ALG13: variants seen among roughly 807,000 people sequenced by gnomAD.
ALG13 encodes the protein ALG13 UDP-N-acetylglucosaminyltransferase subunit.
A neutral mutation model predicts 87.8 loss-of-function variants in ALG13; 11 were observed. That is an observed-to-expected ratio of 0.13 (90% CI 0.08 to 0.21). ALG13 has a LOEUF of 0.21. Ranked by LOEUF, ALG13 falls within the 10% of genes least tolerant of loss-of-function variation. ALG13 has a pLI of 1.00. For synonymous variants in ALG13, 320 were observed against 306.3 expected, an observed-to-expected ratio of 1.04 and a Z score of -0.47; for missense variants, 756 against 866.1, an observed-to-expected ratio of 0.87 and a Z score of 1.60.
At chrX:111,745,037 T>A in intron 24 of ALG13, 133 bp downstream of exon 24, 1 of 544,496 alleles carries the variant, frequency 1.8e-6, no homozygotes, top group East Asian at 3.6e-5. Context: ...ATACTGGAAG[T>A]GACTAAGGAA....
intron 11 of ALG13, among the ~76,000 whole-genome samples, chrX:111,721,009 A>G (rs1228454313): frequency 9.4e-6 from 1 of 106,612 alleles, no homozygotes; most frequent in Non-Finnish European, 1.9e-5. Flanking sequence ...AATATATGGC[A>G]AAATTTATTG....
chrX:111,693,696 T>A, intron 3 of ALG13, among the ~76,000 whole-genome samples: 1 of 112,304 alleles, frequency 8.9e-6, no homozygotes, highest in East Asian at 2.8e-4. Flanking sequence ...CTTATTTTGA[T>A]TGACACTTGT....
At chrX:111,716,070 A>C (rs1185753013) in intron 8 of ALG13, among the ~76,000 whole-genome samples, 2 of 112,082 alleles carry the variant, frequency 1.8e-5, no homozygotes, top group Non-Finnish European at 3.8e-5. Flanking sequence ...GTTCTCATGC[A>C]CTTCAAAGTA....
intron 19 of ALG13, among the ~76,000 whole-genome samples, chrX:111,728,951 T>C (rs1191908320): frequency 3.6e-5 from 4 of 111,868 alleles, no homozygotes; most frequent in African/African-American, 1.3e-4. Context: ...TATTGAGATA[T>C]AATTTACATA....
intron 8 of ALG13, among the ~76,000 whole-genome samples, chrX:111,715,275 A>G (rs1940408622): frequency 8.9e-6 from 1 of 112,022 alleles, no homozygotes; most frequent in Non-Finnish European, 1.9e-5. Context: ...AGGATAGTGC[A>G]TATATATGTC....
chrX:111,693,557 T>C (rs1324580939), intron 3 of ALG13, among the ~76,000 whole-genome samples: 1 of 111,861 alleles, frequency 8.9e-6, no homozygotes, highest in African/African-American at 3.2e-5. Context: ...GAATACATGC[T>C]TCTTAATGTT....
chrX:111,696,690 A>G (rs1937009829), intron 3 of ALG13, among the ~76,000 whole-genome samples: 1 of 111,973 alleles, frequency 8.9e-6, no homozygotes, highest in African/African-American at 3.2e-5. Context: ...CAAATTACGT[A>G]TTCTAGCTAA....
rs369867857 is a variant in ALG13, at chrX:111,685,008, C to T, written c.288C>T (p.Leu96=). ...AGACTCTGGAAAAAGGAAAGCCACT[C>T]GTAGTGGTTATAAACGAAAAGTTGA... The part of the protein sequence containing the change: ...CLETLEKGKP[L]VVVINEKLMN... Residue 96 remains leucine (L), a synonymous_variant, in exon 3 of 27, where the codon CTC becomes CTT. Transcript: ENST00000394780. 6.9e-5 allele frequency: 83 copies of T among 1,208,082 alleles called. No homozygotes were observed. The highest frequency in any genetic ancestry group is 8.9e-5 in the Non-Finnish European group (80 of 893,951).
chrX:111,723,728 A>G (rs1941672296), intron 13 of ALG13, 70 bp from the exon 14 acceptor site: 1 of 639,239 alleles, frequency 1.6e-6, no homozygotes, highest in South Asian at 2.8e-5. Flanking sequence ...CATTTGGGGA[A>G]AAGTGGTATT....
In ALG13 at chrX:111,718,099, A is replaced by T. The variant is rs748977068; in HGVS notation, c.1088-13A>T. On this transcript the variant is annotated splice_polypyrimidine_tract_variant and intron_variant, in intron 9 of 26. Coordinates refer to ENST00000394780, the MANE Select transcript of ALG13 (RefSeq NM_001099922.3). ...TATTTTGACAATTGGAATTTTGACC[A>T]TTTTTTCTTCAGCTGTATTGTACGA... 1.7e-6 allele frequency: 2 copies of T among 1,153,728 alleles called. No homozygotes were observed. Among genetic ancestry groups the T allele is most frequent in the Non-Finnish European group, 1.2e-6 (1 of 864,790 alleles).
At chrX:111,690,613 AT>A (rs1265325581) in intron 3 of ALG13, among the ~76,000 whole-genome samples, 84 of 103,682 alleles carry the variant, frequency 8.1e-4, no homozygotes, top group Middle Eastern at 4.9e-3. Context: ...TTTAATTTTA[AT>A]TTTTTTTTTT....
intron 5 of ALG13, among the ~76,000 whole-genome samples, chrX:111,709,793 G>C (rs1040257165): frequency 9.1e-6 from 1 of 109,932 alleles, no homozygotes; most frequent in African/African-American, 3.3e-5. Flanking sequence ...TTCTCAACTG[G>C]TTTCAGTGAA....
intron 12 of ALG13, 110 bp downstream of exon 12, chrX:111,721,821 G>A (rs1384924052): frequency 2.2e-5 from 10 of 460,863 alleles, no homozygotes; most frequent in Middle Eastern, 5.3e-4. Flanking sequence ...AAAATAGCCT[G>A]ATGCTTTTTA....
intron 5 of ALG13, among the ~76,000 whole-genome samples, chrX:111,710,550 A>G (rs1248583805): frequency 8.9e-6 from 1 of 111,823 alleles, no homozygotes; most frequent in Non-Finnish European, 1.9e-5. Flanking sequence ...AGTGACAGAA[A>G]GCAGATCAGT....
chrX:111,757,498 T>G (rs1160395253), intron 25 of ALG13, 90 bp from the exon 26 acceptor site: 1 of 675,019 alleles, frequency 1.5e-6, no homozygotes, highest in Non-Finnish European at 2.0e-6. Flanking sequence ...TTCTTATTTT[T>G]TTTTTTTTTT....
chrX:111,681,550 G>C (rs945727393), intron 1 of ALG13: 2 of 970,257 alleles, frequency 2.1e-6, no homozygotes, highest in South Asian at 2.8e-5. Context: ...CATTTCTTCA[G>C]CTCCTTTTCC....
At chrX:111,712,695 CAAA>C (rs1939981896) in intron 7 of ALG13, among the ~76,000 whole-genome samples, 165 bp downstream of exon 7, 2 of 111,292 alleles carry the variant, frequency 1.8e-5, no homozygotes, top group South Asian at 7.6e-4. Context: ...GTTGAAAAGT[CAAA>C]AGAAGAATGT....
intron 3 of ALG13, among the ~76,000 whole-genome samples, chrX:111,704,573 C>T (rs1298955566): frequency 1.8e-5 from 2 of 111,412 alleles, no homozygotes; most frequent in East Asian, 5.6e-4. Context: ...GTAAAAGAAG[C>T]GAGTGACACA....
chrX:111,689,589 G>A (rs898767291), intron 3 of ALG13: 9 of 752,375 alleles, frequency 1.2e-5, no homozygotes, highest in African/African-American at 6.9e-5. Context: ...GTGGAATTTT[G>A]TATCGATTTT....
Sources: gnomAD v4.1 joint callset for allele counts (sites outside exome capture counted in the v4.1 genomes callset) on GRCh38, gnomAD v4.1.1 for gene constraint, MANE v1.5 for transcripts, NCBI Gene and HGNC (gene_info 2026-07-23, HGNC 2026-07-21) for gene names.